Variants in HDAC9 observed in about 807,000 individuals in gnomAD.
HDAC9 encodes MEF-2 interacting transcription repressor (MITR) protein.
HDAC9 carries 41 observed loss-of-function variants against 139.4 expected under a neutral mutation model. That is an observed-to-expected ratio of 0.29 (90% CI 0.23 to 0.38). The LOEUF is 0.38. HDAC9 is among the 10% of genes least tolerant of loss of function. The pLI, the probability that HDAC9 is intolerant of heterozygous loss-of-function variation, is 1.00. For synonymous variants in HDAC9, 517 were observed against 476.2 expected, an observed-to-expected ratio of 1.09 and a Z score of -1.12; for missense variants, 1,147 against 1,297.0, an observed-to-expected ratio of 0.88 and a Z score of 1.78.
chr7:18,542,419 T>C (rs1166435617), intron 2 of HDAC9, among the ~76,000 whole-genome samples: 1 of 152,190 alleles, frequency 6.6e-6, no homozygotes, highest in Non-Finnish European at 1.5e-5. Flanking sequence ...TATAAAACAT[T>C]TAAAGCAGTT....
At chr7:18,860,205 G>A (rs1000004144) in intron 21 of HDAC9, among the ~76,000 whole-genome samples, 1 of 151,962 alleles carries the variant, frequency 6.6e-6, no homozygotes, top group Non-Finnish European at 1.5e-5. Flanking sequence ...CGTGTCACCA[G>A]CATCTTATTG....
At chr7:18,533,124 C>CT (rs1277231846) in intron 2 of HDAC9, among the ~76,000 whole-genome samples, 14 of 152,300 alleles carry the variant, frequency 9.2e-5, no homozygotes, top group African/African-American at 2.6e-4. Flanking sequence ...TCAACTTAGG[C>CT]TTTTTTCTGA....
intron 13 of HDAC9, among the ~76,000 whole-genome samples, chr7:18,741,306 T>C (rs1418580748): frequency 6.6e-6 from 1 of 152,234 alleles, no homozygotes; most frequent in African/African-American, 2.4e-5. Flanking sequence ...ATGCAGCTAG[T>C]GGCTTTAAGT....
At chr7:18,887,111 G>T (rs546216118) in intron 22 of HDAC9, among the ~76,000 whole-genome samples, 2 of 152,136 alleles carry the variant, frequency 1.3e-5, no homozygotes, top group Admixed American at 1.3e-4. Flanking sequence ...GGGAATGGAC[G>T]TGCAGCTTCC....
rs373305122 is a variant in HDAC9 at position 18,666,312 on chromosome 7, G to T, written c.1567G>T (p.Ala523Ser). ...QGDQAMQEDR[A>S]PSSGNSTRSD... ...GGACCAGGCGATGCAGGAAGACAGA[G>T]CGCCCTCTAGTGGCAACAGCACTAG... Residue 523 changes from alanine to serine, a missense_variant, in exon 12 of 26, where the codon GCG becomes TCG. Physicochemically the swap from Ala to Ser is moderately conservative, Grantham distance 99. Transcript: ENST00000686413. 32 of 1,613,326 alleles carry T rather than the reference G, an allele frequency of 2.0e-5. No individual in the cohort carries two copies. The highest frequency in any genetic ancestry group is 2.7e-5 in the Non-Finnish European group (32 of 1,179,604).
At chr7:18,427,445 A>C (rs1790222277) in intron 1 of HDAC9, among the ~76,000 whole-genome samples, 1 of 151,570 alleles carries the variant, frequency 6.6e-6, no homozygotes, top group Non-Finnish European at 1.5e-5. Flanking sequence ...TTAGTCATTC[A>C]TTCATTTTAG....
intron 12 of HDAC9, among the ~76,000 whole-genome samples, chr7:18,715,388 A>C (rs1472405214): frequency 6.6e-6 from 1 of 152,116 alleles, no homozygotes; most frequent in East Asian, 1.9e-4. Flanking sequence ...CTCCTAGTTC[A>C]ATGACAAAAG....
At chr7:18,434,923 A>G (rs1238493009) in intron 1 of HDAC9, among the ~76,000 whole-genome samples, 1 of 152,132 alleles carries the variant, frequency 6.6e-6, no homozygotes, top group Non-Finnish European at 1.5e-5. Context: ...TATTTCCACC[A>G]TAAAGACACA....
chr7:18,164,117 A>T (rs73315798), intron 2 of HDAC9, among the ~76,000 whole-genome samples: 1 of 152,214 alleles, frequency 6.6e-6, no homozygotes, highest in African/African-American at 2.4e-5. Context: ...TGACAATAAC[A>T]TTATGCAGAA....
chr7:18,431,881 A>G (rs1196618707), intron 1 of HDAC9, among the ~76,000 whole-genome samples: 1 of 152,216 alleles, frequency 6.6e-6, no homozygotes, highest in Non-Finnish European at 1.5e-5. Context: ...TGGTATCTGT[A>G]GAAAGAACAC....
intron 1 of HDAC9, among the ~76,000 whole-genome samples, chr7:18,485,396 T>A (rs1299569335): frequency 1.3e-5 from 2 of 151,520 alleles, no homozygotes; most frequent in Non-Finnish European, 2.9e-5. Flanking sequence ...GCCTACAGAG[T>A]GATATTCATA....
At position 18,507,352 on chromosome 7, in the gene HDAC9, G is replaced by A. The variant is rs139774280; in HGVS notation, c.22+11028G>A. Among the ~76,000 whole-genome samples, 1,411 of 151,292 alleles carry A rather than the reference G, an allele frequency of 9.3e-3. 116 individuals are homozygous for A. The East Asian group carries it at 0.21, about 22-fold the overall frequency. On this transcript the variant is annotated intron_variant, in intron 2 of 25. Transcript: ENST00000686413. ...ACTACAGGCGCCCGCCACCACGCCC[G>A]GCTAGTTTTTTTTTGTATTTTTAGT...
chr7:18,857,608 C>T (rs1415065417), intron 21 of HDAC9, among the ~76,000 whole-genome samples: 3 of 151,938 alleles, frequency 2.0e-5, no homozygotes, highest in African/African-American at 4.8e-5. Context: ...TGAACGCATC[C>T]CTTTGAACTG....
At chr7:18,259,955 C>T (rs1340949071) in intron 2 of HDAC9, among the ~76,000 whole-genome samples, 3 of 152,140 alleles carry the variant, frequency 2.0e-5, no homozygotes, top group Admixed American at 2.0e-4. Flanking sequence ...GCCACAGTTT[C>T]CCCCATATCA....
chr7:18,869,063 A>G (rs1400387074), intron 21 of HDAC9, among the ~76,000 whole-genome samples: 1 of 152,004 alleles, frequency 6.6e-6, no homozygotes, highest in East Asian at 1.9e-4. Flanking sequence ...GAGTTCTGTG[A>G]AGCAGCTCTA....
intron 22 of HDAC9, among the ~76,000 whole-genome samples, chr7:18,918,829 TCTC>T (rs920621838): frequency 6.6e-6 from 1 of 152,044 alleles, no homozygotes; most frequent in Admixed American, 6.6e-5. Flanking sequence ...TAATGAGAGT[TCTC>T]CTGTTTAAAA....
chr7:18,190,778 C>T (rs945751656), intron 2 of HDAC9, among the ~76,000 whole-genome samples: 7 of 152,144 alleles, frequency 4.6e-5, no homozygotes, highest in African/African-American at 1.7e-4. Context: ...CTTGTATCAT[C>T]TCACTGTGTA....
At chr7:18,653,965 A>T (rs1042841188) in intron 11 of HDAC9, among the ~76,000 whole-genome samples, 1 of 152,156 alleles carries the variant, frequency 6.6e-6, no homozygotes, top group African/African-American at 2.4e-5. Flanking sequence ...TTGTGGTCAC[A>T]TACAAACATA....
At chr7:18,662,877 ATTTG>A (rs527460099) in intron 11 of HDAC9, among the ~76,000 whole-genome samples, 43 of 152,174 alleles carry the variant, frequency 2.8e-4, no homozygotes, top group Admixed American at 1.6e-3. Flanking sequence ...CATGATCGTA[ATTTG>A]TTTGTTTGTT....
Sources: allele counts gnomAD v4.1 joint callset (sites outside exome capture counted in the v4.1 genomes callset), GRCh38; gene constraint gnomAD v4.1.1; transcripts MANE v1.5; gene names NCBI Gene and HGNC (gene_info 2026-07-23, HGNC 2026-07-21).